SIDT2: variants seen among roughly 807,000 people sequenced by gnomAD.
The protein encoded by SIDT2 is SID1 transmembrane family member 2.
SIDT2 carries 68 observed loss-of-function variants against 114.4 expected under a neutral mutation model. That is an observed-to-expected ratio of 0.59 (90% CI 0.49 to 0.73). SIDT2 has a LOEUF of 0.73. SIDT2 is among the 30% of genes least tolerant of loss of function. SIDT2 has a pLI of 0.00. For synonymous variants in SIDT2, 470 were observed against 438.4 expected (o/e 1.07, Z -0.90); for missense variants, 918 against 1,097.1 (o/e 0.84, Z 2.31).
intron 22 of SIDT2, 139 bp from the exon 23 acceptor site, chr11:117,193,014 T>C: frequency 1.5e-6 from 2 of 1,325,568 alleles, no homozygotes; most frequent in Non-Finnish European, 2.2e-6. Context: ...TTCTCTCTCT[T>C]GGCATCTGGG....
rs1335896654 is a variant in SIDT2 at position 117,192,829 on chromosome 11, G to A, written c.2068G>A (p.Val690Met). The A allele has an allele frequency of 2.5e-6, 4 of 1,614,166 alleles. No individual in the cohort carries two copies. The highest frequency in any genetic ancestry group is 1.3e-5 in the African/African-American group (1 of 75,060). The change falls in exon 22 of 26, where the codon GTG becomes ATG. Residue 690 changes from valine to methionine, a missense_variant. Coordinates refer to ENST00000324225, the MANE Select transcript of SIDT2 (RefSeq NM_001040455.2). The surrounding 1 kb of genome is among the most constrained non-coding windows in gnomAD (Gnocchi z 5.9). Reference protein sequence around the residue: ...CSGPLYVDRMVLLVMGNVINW... With the variant: ...CSGPLYVDRMMLLVMGNVINW... ...CCCTGCTTCCCTCCAGGACCGCATGGTGCTGCTGGTCATGGGCAACGTCAT... is the reference window on the plus strand; with the variant it reads ...CCCTGCTTCCCTCCAGGACCGCATGATGCTGCTGGTCATGGGCAACGTCAT...
At position 117,193,922 on chromosome 11, in the gene SIDT2, T is replaced by G. The variant is rs1392074627; in HGVS notation, c.2281T>G (p.Phe761Val). 2 of 1,613,998 alleles carry G rather than the reference T, an allele frequency of 1.2e-6. No homozygotes were observed. The highest frequency in any genetic ancestry group is 2.2e-5 in the East Asian group (1 of 44,880). Reference protein sequence around the residue: ...CIVCTSVVWGFALFFFFQGLS... With the variant: ...CIVCTSVVWGVALFFFFQGLS... ...CGTTTGCACCTCCGTGGTCTGGGGC[T>G]TCGCGCTCTTCTTCTTCTTCCAGGG... The change falls in exon 24 of 26, where the codon TTC becomes GTC. Residue 761 changes from phenylalanine to valine, a missense_variant. Transcript: ENST00000324225.
In SIDT2 at chr11:117,197,222, C is replaced by A. The variant is rs79466026; in HGVS notation, c.*1156C>A. On this transcript the variant is annotated 3_prime_UTR_variant, in exon 26 of 26. Coordinates refer to ENST00000324225, the MANE Select transcript of SIDT2 (RefSeq NM_001040455.2). ...GCCACCCTGGTCCTTGGATCCCCTTCGTCCCACCTGGTCCACCCCAGATGC... is the reference window on the plus strand; with the variant it reads ...GCCACCCTGGTCCTTGGATCCCCTTAGTCCCACCTGGTCCACCCCAGATGC... 2,016 of 152,724 alleles carry A rather than the reference C, an allele frequency of 0.013. 38 individuals are homozygous for A. Among genetic ancestry groups the A allele is most frequent in the African/African-American group, 0.042 (1,756 of 41,580 alleles). 9.5% of individuals were successfully genotyped at this position (152,724 alleles called of 1,614,324 possible).
At chr11:117,183,733 G>C (rs1440040541) in intron 6 of SIDT2, 46 bp from the exon 7 acceptor site, 1 of 1,124,670 alleles carries the variant, frequency 8.9e-7, no homozygotes, top group Non-Finnish European at 1.3e-6. Flanking sequence ...AGAAAAGAAT[G>C]ATGATGATGA....
chr11:117,190,954 G>A lies in SIDT2; in HGVS notation c.1735+214G>A. ...TCAAGCTATTCCTATGTAAAGGCATGTGCCGCAGTGAAGAAAACAGTATAA... is the reference window on the plus strand; with the variant it reads ...TCAAGCTATTCCTATGTAAAGGCATATGCCGCAGTGAAGAAAACAGTATAA... On this transcript the variant is annotated intron_variant, in intron 18 of 25. Coordinates refer to ENST00000324225, the MANE Select transcript of SIDT2 (RefSeq NM_001040455.2). The surrounding 1 kb of genome is among the most constrained non-coding windows in gnomAD (Gnocchi z 4.1). 1 of 530,588 alleles carries A rather than the reference G, an allele frequency of 1.9e-6. No individual in the cohort carries two copies. 32.9% of individuals were successfully genotyped at this position (530,588 alleles called of 1,614,324 possible). A position where few individuals can be genotyped will look rare whatever the true frequency, so the allele number is the denominator to read the frequency against.
chr11:117,183,737 AT>A, intron 6 of SIDT2, 41 bp from the exon 7 acceptor site: 1 of 1,275,712 alleles, frequency 7.8e-7, no homozygotes, highest in Non-Finnish European at 1.1e-6. Context: ...AAGAATGATG[AT>A]GATGATGATG....
rs1405101592 is a variant in SIDT2 at position 117,187,643 on chromosome 11, C to A, written c.1103C>A (p.Ser368Tyr). ...TTCCCCACAGAGAATGTTTCTGGATCTACCGATGGTCTGGTTGACAGCGCT... is the reference window on the plus strand; with the variant it reads ...TTCCCCACAGAGAATGTTTCTGGATATACCGATGGTCTGGTTGACAGCGCT... ...NYGSFENVSG[S>Y]TDGLVDSAGT... is the part of the protein sequence containing the mutation. Residue 368 changes from serine to tyrosine, a missense_variant, in exon 12 of 26, where the codon TCT becomes TAT. This residue lies in a region of SIDT2 where 553 missense variants were observed against 600.1 expected (regional missense o/e 0.92). Transcript: ENST00000324225. The A allele has an allele frequency of 6.2e-7, 1 of 1,614,044 alleles. No homozygotes were observed. The highest frequency in any genetic ancestry group is 1.3e-5 in the African/African-American group (1 of 74,906).
At chr11:117,195,479 CCTT>C (rs774059532) in intron 24 of SIDT2, among the ~76,000 whole-genome samples, 1 of 152,148 alleles carries the variant, frequency 6.6e-6, no homozygotes, top group Non-Finnish European at 1.5e-5. Context: ...GGTGAGAAGG[CCTT>C]CTGCCATCTC....
In SIDT2 at chr11:117,190,034, C is replaced by T. The variant is rs753810685; in HGVS notation, c.1493+9C>T. 3 of 1,613,964 alleles carry T rather than the reference C, an allele frequency of 1.9e-6. No homozygotes were observed. Among genetic ancestry groups the T allele is most frequent in the Admixed American group, 3.3e-5 (2 of 60,002 alleles). On this transcript the variant is annotated intron_variant, in intron 16 of 25. Transcript: ENST00000324225. The surrounding 1 kb of genome is among the most constrained non-coding windows in gnomAD (Gnocchi z 4.1). The stretch of plus-strand genomic sequence containing the variant: ...CCACTGGGCAATCTCAGGTGGGGGT[C>T]ATGCTGGGAGGCCCCTTGTCCAGGC...
chr11:117,192,032 T>C lies in SIDT2; in HGVS notation c.1872+18T>C, dbSNP rs1238294741. ...TGGGCGTGGTGAGGGCCTGACCTGC[T>C]CTGCTCAGCCTGTATGATAGGAAAG... On this transcript the variant is annotated intron_variant, in intron 19 of 25. Coordinates refer to ENST00000324225, the MANE Select transcript of SIDT2 (RefSeq NM_001040455.2). The surrounding 1 kb of genome is among the most constrained non-coding windows in gnomAD (Gnocchi z 5.9). 1.2e-6 allele frequency: 2 copies of C among 1,613,992 alleles called. No individual in the cohort carries two copies. Among genetic ancestry groups the C allele is most frequent in the South Asian group, 1.1e-5 (1 of 91,074 alleles).
At position 117,179,202 on chromosome 11, in the gene SIDT2, G is replaced by A. The variant is rs928481651; in HGVS notation, c.-62G>A. 66 of 1,541,230 alleles carry A rather than the reference G, an allele frequency of 4.3e-5. No individual in the cohort carries two copies. Among genetic ancestry groups the A allele is most frequent in the Non-Finnish European group, 5.5e-5 (62 of 1,136,412 alleles). On this transcript the variant is annotated 5_prime_UTR_variant, in exon 1 of 26. Transcript: ENST00000324225. ...CGCAGCCGCAACCCGTCCCGGAGGT[G>A]TCCTGTCTCCTGTCGCCGCCGCCGC...
intron 10 of SIDT2, chr11:117,187,090 C>T (rs570086396): frequency 2.4e-5 from 34 of 1,438,152 alleles, no homozygotes; most frequent in African/African-American, 7.1e-5. Context: ...GGCTCGTGGG[C>T]GGGCCAGTGT....
rs2030640698 is a variant in SIDT2 at position 117,189,978 on chromosome 11, C to T, written c.1446C>T (p.Asp482=). 6.2e-7 allele frequency: 1 copy of T among 1,614,218 alleles called. No individual in the cohort carries two copies. Among genetic ancestry groups the T allele is most frequent in the Non-Finnish European group, 8.5e-7 (1 of 1,180,036 alleles). ...TGGTGAATGTCACAGGGAATCAGGA[C>T]ATCTGCTACTACAACTTCCTCTGCG... ...QTVVNVTGNQ[D]ICYYNFLCAH... is the part of the protein sequence containing the mutation. Residue 482 remains aspartate (D), a synonymous_variant, in exon 16 of 26, where the codon GAC becomes GAT. Transcript: ENST00000324225.
At chr11:117,195,022 G>A (rs2030840913) in intron 24 of SIDT2, among the ~76,000 whole-genome samples, 1 of 141,642 alleles carries the variant, frequency 7.1e-6, no homozygotes, top group Non-Finnish European at 1.5e-5. Context: ...GGGAGGTGGA[G>A]GTTGCAGTGA....
In SIDT2 at chr11:117,182,874, A is replaced by G. The variant is rs529711039; in HGVS notation, c.702+68A>G. 9.9e-6 allele frequency: 15 copies of G among 1,521,928 alleles called. No homozygotes were observed. In the South Asian group the frequency reaches 1.6e-4, roughly 16 times the overall value. The allele number at this position is 1,521,928 out of a possible 1,614,324, so 94.3% of individuals were successfully genotyped here. The stretch of plus-strand genomic sequence containing the variant: ...TAAGCTGTGTAGCTTTCCAAACTTG[A>G]GCTCTTCTTCCTCTGCCCATTCCTA... On this transcript the variant is annotated intron_variant, in intron 6 of 25. Coordinates refer to ENST00000324225, the MANE Select transcript of SIDT2 (RefSeq NM_001040455.2).
chr11:117,192,804 C>T lies in SIDT2; in HGVS notation c.2059-16C>T. 6.2e-7 allele frequency: 1 copy of T among 1,614,176 alleles called. No individual in the cohort carries two copies. On this transcript the variant is annotated splice_polypyrimidine_tract_variant and intron_variant, in intron 21 of 25. Transcript: ENST00000324225. The surrounding 1 kb of genome is among the most constrained non-coding windows in gnomAD (Gnocchi z 5.9). Reference sequence around the variant, plus strand: ...CTGCCCCTGCCCTCAGTCCCTGTGTCCCTGCTTCCCTCCAGGACCGCATGG... The same window carrying T: ...CTGCCCCTGCCCTCAGTCCCTGTGTTCCTGCTTCCCTCCAGGACCGCATGG...
Position 117,181,528 on chromosome 11 carries a change from T to G in SIDT2, c.296T>G (p.Leu99Arg), listed in dbSNP as rs923776022. Residue 99 changes from leucine (L) to arginine (R), a missense_variant, in exon 2 of 26, where the codon CTG becomes CGG. Leu to Arg is a moderately radical substitution (Grantham distance 102). Transcript: ENST00000324225. Reference protein sequence around the residue: ...AVVSFQVPLILRGMFQRKYLY... With the variant: ...AVVSFQVPLIRRGMFQRKYLY... ...GTGTCCTTCCAGGTGCCCCTAATCCTGCGAGGGATGTGAGTAGGATCTGGG... is the reference window on the plus strand; with the variant it reads ...GTGTCCTTCCAGGTGCCCCTAATCCGGCGAGGGATGTGAGTAGGATCTGGG... 2 of 1,613,898 alleles carry G rather than the reference T, an allele frequency of 1.2e-6. No individual in the cohort carries two copies. Among genetic ancestry groups the G allele is most frequent in the Non-Finnish European group, 1.7e-6 (2 of 1,179,958 alleles).
intron 22 of SIDT2, 95 bp from the exon 23 acceptor site, chr11:117,193,058 C>A: frequency 7.0e-7 from 1 of 1,419,862 alleles, no homozygotes; most frequent in African/African-American, 1.4e-5. Flanking sequence ...CTGAACACAG[C>A]CCAACATCAT....
chr11:117,181,782 C>T, intron 2 of SIDT2, 25 bp from the exon 3 acceptor site: 1 of 1,613,928 alleles, frequency 6.2e-7, no homozygotes, highest in Non-Finnish European at 8.5e-7. Context: ...GTGCTCACAT[C>T]CTATCTCCCT....
Sources: allele counts gnomAD v4.1 joint callset (sites outside exome capture counted in the v4.1 genomes callset), GRCh38; gene constraint gnomAD v4.1.1; regional missense constraint gnomAD v4.1.1; non-coding constraint Gnocchi (gnomAD v3.1); transcripts MANE v1.5; gene names NCBI Gene and HGNC (gene_info 2026-07-23, HGNC 2026-07-21).